DRC11: variants seen among roughly 807,000 people sequenced by gnomAD.
DRC11 encodes the protein IQ and AAA domain-containing protein 1.
chr2:236,489,180 TGGGTGTATGCTGGGGCCTGTATGAGCTCC>T, the DRC11 span, among the ~76,000 whole-genome samples: 1 of 118,246 alleles, frequency 8.5e-6, no homozygotes, highest in African/African-American at 3.4e-5. Context: ...GTGTGGGCTC[TGGGTGTATGCTGGGGCCTGTATGAGCTCC>T]GGGTGCAGGT....
At chr2:236,487,258 A>G in the DRC11 span, among the ~76,000 whole-genome samples, 3 of 152,172 alleles carry the variant, frequency 2.0e-5, no homozygotes, top group Admixed American at 6.5e-5. Flanking sequence ...ACCTCCAAGA[A>G]ATGTACAACT....
At chr2:236,497,809 T>A in the DRC11 span, among the ~76,000 whole-genome samples, 1 of 152,202 alleles carries the variant, frequency 6.6e-6, no homozygotes, top group Non-Finnish European at 1.5e-5. This position sits in a 1 kb window ranked among gnomAD's most constrained non-coding sequence, Gnocchi z 5.1. Context: ...ATATCCAGAA[T>A]AGTTAACTTA....
At chr2:236,461,702 T>C in the DRC11 span, among the ~76,000 whole-genome samples, 1 of 152,158 alleles carries the variant, frequency 6.6e-6, no homozygotes, top group African/African-American at 2.4e-5. The surrounding 1 kb of genome is among the most constrained non-coding windows in gnomAD (Gnocchi z 4.0). Context: ...CACAACTCCA[T>C]GAAACAGGGA....
At chr2:236,318,023 A>G in the DRC11 span, among the ~76,000 whole-genome samples, 1 of 152,214 alleles carries the variant, frequency 6.6e-6, no homozygotes, top group Non-Finnish European at 1.5e-5. This position sits in a 1 kb window ranked among gnomAD's most constrained non-coding sequence, Gnocchi z 7.0. Flanking sequence ...TAGGGGAGCC[A>G]CACTGTGTCC....
chr2:236,387,741 C>G, the DRC11 span, among the ~76,000 whole-genome samples: 2 of 151,600 alleles, frequency 1.3e-5, no homozygotes, highest in African/African-American at 2.4e-5. Context: ...TTAGTTGATG[C>G]AGTTTCTTCC....
chr2:236,433,644 C>G, the DRC11 span, among the ~76,000 whole-genome samples: 1 of 152,104 alleles, frequency 6.6e-6, no homozygotes, highest in Non-Finnish European at 1.5e-5. Flanking sequence ...TTAGTTTATT[C>G]TCTTTGCTTT....
At chr2:236,365,510 C>A in the DRC11 span, among the ~76,000 whole-genome samples, 1 of 151,804 alleles carries the variant, frequency 6.6e-6, no homozygotes, top group Non-Finnish European at 1.5e-5. The surrounding 1 kb of genome is among the most constrained non-coding windows in gnomAD (Gnocchi z 7.4). Flanking sequence ...ACTGCAGGTG[C>A]CAGGCGGGTG....
the DRC11 span, among the ~76,000 whole-genome samples, chr2:236,361,432 C>T: frequency 1.3e-5 from 2 of 152,018 alleles, no homozygotes; most frequent in African/African-American, 4.8e-5. This position sits in a 1 kb window ranked among gnomAD's most constrained non-coding sequence, Gnocchi z 5.7. Flanking sequence ...TTTCTTCTCT[C>T]AATTTTTTAA....
the DRC11 span, among the ~76,000 whole-genome samples, chr2:236,492,644 G>A: frequency 3.6e-4 from 55 of 152,326 alleles, no homozygotes; most frequent in Admixed American, 9.1e-4. Context: ...CTTAGGACAT[G>A]AAGGCCAGCC....
chr2:236,382,008 TTG>T, the DRC11 span, among the ~76,000 whole-genome samples: 91 of 152,292 alleles, frequency 6.0e-4, 1 homozygote, highest in African/African-American at 2.1e-3. Context: ...CTTTTAAAAA[TTG>T]TGTTTTGGAT....
the DRC11 span, among the ~76,000 whole-genome samples, chr2:236,402,474 C>T: frequency 1.7e-4 from 26 of 152,290 alleles, 1 homozygote; most frequent in South Asian, 1.2e-3. The surrounding 1 kb of genome is among the most constrained non-coding windows in gnomAD (Gnocchi z 6.0). Context: ...GCAAGGAAGA[C>T]GCAGGAAATG....
the DRC11 span, among the ~76,000 whole-genome samples, chr2:236,358,153 A>G: frequency 8.1e-6 from 1 of 124,122 alleles, no homozygotes; most frequent in African/African-American, 3.3e-5. Context: ...AAATAGATAT[A>G]TACTATATGA....
the DRC11 span, among the ~76,000 whole-genome samples, chr2:236,499,463 C>G: frequency 6.6e-6 from 1 of 152,234 alleles, no homozygotes; most frequent in Non-Finnish European, 1.5e-5. This position sits in a 1 kb window ranked among gnomAD's most constrained non-coding sequence, Gnocchi z 4.7. Flanking sequence ...CAGTCTCACT[C>G]TGTCACCCAG....
At chr2:236,418,102 G>C in the DRC11 span, among the ~76,000 whole-genome samples, 1 of 152,164 alleles carries the variant, frequency 6.6e-6, no homozygotes, top group East Asian at 1.9e-4. Context: ...TAATGGGATT[G>C]CTGGGTCAAA....
chr2:236,384,379 T>C, the DRC11 span, among the ~76,000 whole-genome samples: 1 of 152,288 alleles, frequency 6.6e-6, no homozygotes, highest in African/African-American at 2.4e-5. Flanking sequence ...AGATGGTATC[T>C]CATTGTGGTT....
the DRC11 span, among the ~76,000 whole-genome samples, chr2:236,477,856 T>C: frequency 6.6e-6 from 1 of 152,172 alleles, no homozygotes; most frequent in African/African-American, 2.4e-5. Flanking sequence ...AACGATCCTA[T>C]ATATTTCTGT....
the DRC11 span, among the ~76,000 whole-genome samples, chr2:236,352,107 A>T: frequency 4.6e-5 from 7 of 152,080 alleles, no homozygotes; most frequent in African/African-American, 1.7e-4. This position sits in a 1 kb window ranked among gnomAD's most constrained non-coding sequence, Gnocchi z 7.0. Flanking sequence ...ATAGAGGAGG[A>T]GGTCCGGGCT....
At chr2:236,358,127 T>C in the DRC11 span, among the ~76,000 whole-genome samples, 96 of 117,310 alleles carry the variant, frequency 8.2e-4, no homozygotes, top group African/African-American at 3.2e-3. Context: ...TATATGAATA[T>C]ATATTTATAA....
chr2:236,435,518 C>T, the DRC11 span, among the ~76,000 whole-genome samples: 1 of 152,188 alleles, frequency 6.6e-6, no homozygotes, highest in African/African-American at 2.4e-5. Flanking sequence ...AATTGACTCA[C>T]AGTTCCACAT....
Sources: allele counts gnomAD v4.1 joint callset (sites outside exome capture counted in the v4.1 genomes callset), GRCh38; gene constraint gnomAD v4.1.1; non-coding constraint Gnocchi (gnomAD v3.1); transcripts MANE v1.5; gene names NCBI Gene and HGNC (gene_info 2026-07-23, HGNC 2026-07-21).